CNTN5: variants seen among roughly 807,000 people sequenced by gnomAD.
The protein encoded by CNTN5 is contactin 5.
A neutral mutation model predicts 129.1 loss-of-function variants in CNTN5; 77 were observed. The ratio of observed to expected loss-of-function variants is 0.60; its 90% CI spans 0.50 to 0.72. CNTN5 has a LOEUF of 0.72. CNTN5 is among the 30% of genes least tolerant of loss of function. CNTN5 has a pLI of 0.00. For synonymous variants in CNTN5, 509 were observed against 465.6 expected, an observed-to-expected ratio of 1.09 and a Z score of -1.20; for missense variants, 1,478 against 1,328.8, an observed-to-expected ratio of 1.11 and a Z score of -1.75.
chr11:99,191,320 T>C (rs1433252614), intron 1 of CNTN5, among the ~76,000 whole-genome samples: 1 of 151,812 alleles, frequency 6.6e-6, no homozygotes, highest in African/African-American at 2.4e-5. Flanking sequence ...TTGTCTGGCT[T>C]TGGAATCAGG....
At chr11:99,128,467 CT>C (rs111902158) in intron 1 of CNTN5, among the ~76,000 whole-genome samples, 26,472 of 152,156 alleles carry the variant, frequency 0.17, 2,755 homozygotes, top group East Asian at 0.41. Flanking sequence ...CCAGCCAGGC[CT>C]TTACAGACAG....
At chr11:99,093,977 A>G (rs1866364333) in intron 1 of CNTN5, among the ~76,000 whole-genome samples, 1 of 152,042 alleles carries the variant, frequency 6.6e-6, no homozygotes, top group South Asian at 2.1e-4. Context: ...ACATATTGAT[A>G]TATAACATAT....
At chr11:99,822,649 G>A (rs139737289) in intron 4 of CNTN5, among the ~76,000 whole-genome samples, 37 of 151,764 alleles carry the variant, frequency 2.4e-4, no homozygotes, top group African/African-American at 5.3e-4. Flanking sequence ...ACCAGGAGAG[G>A]GTATATACAT....
chr11:99,148,844 T>A (rs1267931942), intron 1 of CNTN5, among the ~76,000 whole-genome samples: 1 of 152,126 alleles, frequency 6.6e-6, no homozygotes, highest in African/African-American at 2.4e-5. Flanking sequence ...ATTAAAATAA[T>A]GTAATGCTAT....
chr11:100,309,364 C>G (rs1951423172), intron 21 of CNTN5: 2 of 977,068 alleles, frequency 2.0e-6, no homozygotes, highest in Non-Finnish European at 2.4e-6. Flanking sequence ...CAAATAATGC[C>G]CAACAATTAT....
chr11:100,341,029 AG>A, intron 22 of CNTN5, 63 bp from the exon 23 acceptor site: 1 of 1,194,318 alleles, frequency 8.4e-7, no homozygotes, highest in Admixed American at 1.8e-5. Context: ...ATACTCACAA[AG>A]AATTAAATGA....
At position 99,090,653 on chromosome 11, in the gene CNTN5, G is replaced by A. The variant is rs560342509; in HGVS notation, c.-210+69383G>A. Among the ~76,000 whole-genome samples the A allele has an allele frequency of 2.6e-3, 354 of 135,076 alleles. 4 individuals are homozygous for A. The highest frequency in any genetic ancestry group is 7.7e-3 in the African/African-American group (283 of 36,920). 88.6% of individuals were successfully genotyped at this position (135,076 alleles called of 152,430 possible). A position where few individuals can be genotyped will look rare whatever the true frequency, so the allele number is the denominator to read the frequency against. Reference sequence around the variant, plus strand: ...AAAAAGTTATAGCCTGAAAAAAAAAGAAATGTGTCAAAGGACAAAGTACTT... The same window carrying A: ...AAAAAGTTATAGCCTGAAAAAAAAAAAAATGTGTCAAAGGACAAAGTACTT... On this transcript the variant is annotated intron_variant, in intron 1 of 24. Coordinates refer to ENST00000524871, the MANE Select transcript of CNTN5 (RefSeq NM_014361.4).
At chr11:99,478,691 G>A (rs1369115423) in intron 2 of CNTN5, among the ~76,000 whole-genome samples, 1 of 152,020 alleles carries the variant, frequency 6.6e-6, no homozygotes, top group Non-Finnish European at 1.5e-5. Flanking sequence ...CATGTAAAAT[G>A]CATGGTGAAG....
At chr11:99,987,705 C>T (rs1565758097) in intron 8 of CNTN5, among the ~76,000 whole-genome samples, 1 of 151,880 alleles carries the variant, frequency 6.6e-6, no homozygotes, top group African/African-American at 2.4e-5. Context: ...TAAATTCTTC[C>T]TTGCAAACAA....
intron 21 of CNTN5, among the ~76,000 whole-genome samples, chr11:100,319,153 C>CTTTTTTTTTTT (rs1291858718): frequency 2.2e-5 from 3 of 137,392 alleles, no homozygotes; most frequent in Non-Finnish European, 4.7e-5. Flanking sequence ...TTTTTCTTTT[C>CTTTTTTTTTTT]TTTTTTTTTT....
intron 2 of CNTN5, among the ~76,000 whole-genome samples, chr11:99,528,327 T>C (rs1947565651): frequency 6.6e-6 from 1 of 152,210 alleles, no homozygotes; most frequent in African/African-American, 2.4e-5. Context: ...GGTATACTAA[T>C]GACAGTCACA....
At chr11:99,876,384 C>T (rs1474262202) in intron 6 of CNTN5, among the ~76,000 whole-genome samples, 2 of 152,098 alleles carry the variant, frequency 1.3e-5, no homozygotes, top group African/African-American at 2.4e-5. Context: ...TAGTCTTGAT[C>T]CCAGGCTCCC....
intron 1 of CNTN5, among the ~76,000 whole-genome samples, chr11:99,102,976 G>T (rs1866810627): frequency 6.6e-6 from 1 of 152,106 alleles, no homozygotes; most frequent in Non-Finnish European, 1.5e-5. Flanking sequence ...CACATAGATA[G>T]GGAGGCCTCA....
At chr11:99,910,565 T>C (rs991241440) in intron 6 of CNTN5, among the ~76,000 whole-genome samples, 1 of 152,232 alleles carries the variant, frequency 6.6e-6, no homozygotes, top group Non-Finnish European at 1.5e-5. Flanking sequence ...ATTGAATTGC[T>C]TTTGTCCTGG....
In CNTN5 at chr11:99,660,851, G is replaced by A. The variant is rs191885445; in HGVS notation, c.55+104582G>A. ...TTTCTTCTCTACATTTCAATGGGTAGACCTTAGTTCCTTGGTAAAGTTTTC... is the reference window on the plus strand; with the variant it reads ...TTTCTTCTCTACATTTCAATGGGTAAACCTTAGTTCCTTGGTAAAGTTTTC... On this transcript the variant is annotated intron_variant, in intron 3 of 24. Coordinates refer to ENST00000524871, the MANE Select transcript of CNTN5 (RefSeq NM_014361.4). Among the ~76,000 whole-genome samples, 6 of 152,010 alleles carry A rather than the reference G, an allele frequency of 3.9e-5. No individual in the cohort carries two copies. In the East Asian group the frequency reaches 1.2e-3, roughly 29 times the overall value.
intron 18 of CNTN5, among the ~76,000 whole-genome samples, chr11:100,286,163 G>T (rs1272137343): frequency 6.6e-6 from 1 of 152,034 alleles, no homozygotes; most frequent in African/African-American, 2.4e-5. Flanking sequence ...CTGCAAGGTG[G>T]CAGCCAGGCT....
At chr11:99,363,899 T>C (rs1046502193) in intron 2 of CNTN5, among the ~76,000 whole-genome samples, 5 of 152,216 alleles carry the variant, frequency 3.3e-5, no homozygotes, top group Non-Finnish European at 7.4e-5. Flanking sequence ...TTTTCTTTCC[T>C]TGAGAAACAG....
chr11:99,118,545 T>C (rs1004748704), intron 1 of CNTN5, among the ~76,000 whole-genome samples: 6 of 152,086 alleles, frequency 3.9e-5, no homozygotes, highest in Admixed American at 2.0e-4. Flanking sequence ...AATTTGTGCA[T>C]ACAGTGTCAA....
In CNTN5 at chr11:100,135,239, G is replaced by T. The variant is rs1946488223; in HGVS notation, c.1581-55887G>T. 3.5e-5 allele frequency among the ~76,000 whole-genome samples: 5 copies of T among 142,258 alleles called. No individual in the cohort carries two copies. The South Asian group carries it at 1.2e-3, about 33-fold the overall frequency. The allele number at this position is 142,258 out of a possible 152,430, so 93.3% of individuals were successfully genotyped here. A position where few individuals can be genotyped will look rare whatever the true frequency, so the allele number is the denominator to read the frequency against. Reference sequence around the variant, plus strand: ...CATTCAGGCTGGAGTGCAGTGGCATGATCTCAGCTCACTGCAATGTCCACC... The same window carrying T: ...CATTCAGGCTGGAGTGCAGTGGCATTATCTCAGCTCACTGCAATGTCCACC... On this transcript the variant is annotated intron_variant, in intron 13 of 24. Transcript: ENST00000524871.
Sources: gnomAD v4.1 joint callset for allele counts (sites outside exome capture counted in the v4.1 genomes callset) on GRCh38, gnomAD v4.1.1 for gene constraint, MANE v1.5 for transcripts, NCBI Gene and HGNC (gene_info 2026-07-23, HGNC 2026-07-21) for gene names.